ARID1B: variants seen among roughly 807,000 people sequenced by gnomAD.
The protein encoded by ARID1B is AT-rich interactive domain-containing protein 1B.
Under a neutral mutation model 212.3 loss-of-function variants are expected in ARID1B, and 30 were observed. The ratio of observed to expected loss-of-function variants is 0.14; its 90% CI spans 0.11 to 0.19. ARID1B has a LOEUF of 0.19. ARID1B is among the 10% of genes least tolerant of loss of function. ARID1B has a pLI of 1.00. For synonymous variants in ARID1B, 1,402 were observed against 1,301.7 expected (o/e 1.08, Z -1.66); for missense variants, 2,891 against 3,204.0 (o/e 0.90, Z 2.36).
intron 7 of ARID1B, among the ~76,000 whole-genome samples, chr6:157,146,845 C>G (rs1220266480): frequency 6.6e-6 from 1 of 152,190 alleles, no homozygotes; most frequent in Non-Finnish European, 1.5e-5. Flanking sequence ...TCCACACACA[C>G]TTGTCTTTCG....
chr6:156,919,298 T>C (rs1790598539), intron 3 of ARID1B, among the ~76,000 whole-genome samples: 1 of 152,170 alleles, frequency 6.6e-6, no homozygotes, highest in African/African-American at 2.4e-5. Context: ...TTAATATGTT[T>C]TGAAGTATAA....
intron 2 of ARID1B, among the ~76,000 whole-genome samples, chr6:156,841,901 G>T (rs186815009): frequency 9.2e-5 from 14 of 152,236 alleles, no homozygotes; most frequent in Non-Finnish European, 1.5e-4. Context: ...AACTCTGGGC[G>T]CACGCTAGCA....
intron 6 of ARID1B, among the ~76,000 whole-genome samples, chr6:157,121,730 C>G (rs919457441): frequency 4.2e-5 from 6 of 144,052 alleles, no homozygotes; most frequent in Non-Finnish European, 7.5e-5. Context: ...CTCCTGGGTT[C>G]AAGCAGTTCT....
Position 157,114,390 on chromosome 6 carries a change from G to A in ARID1B, c.2581+3829G>A, listed in dbSNP as rs1289346877. On this transcript the variant is annotated intron_variant, in intron 6 of 19. Coordinates refer to ENST00000636930, the MANE Select transcript of ARID1B (RefSeq NM_001374828.1). ...ACACAAAACATTAACCAGGCATGGT[G>A]GTGTGTGCCTGTAGTCCCAGCTACT... Among the ~76,000 whole-genome samples the A allele has an allele frequency of 2.0e-5, 3 of 151,872 alleles. No individual in the cohort carries two copies. In the South Asian group the frequency reaches 6.2e-4, roughly 32 times the overall value.
At chr6:157,084,007 G>A (rs922520612) in intron 4 of ARID1B, among the ~76,000 whole-genome samples, 3 of 151,862 alleles carry the variant, frequency 2.0e-5, no homozygotes, top group African/African-American at 4.8e-5. Flanking sequence ...GGTGGCAGGT[G>A]CCTGTAATCC....
chr6:156,969,499 C>T (rs575421527), intron 4 of ARID1B, among the ~76,000 whole-genome samples: 3 of 152,326 alleles, frequency 2.0e-5, no homozygotes, highest in Admixed American at 6.5e-5. Flanking sequence ...GTTTAAGCTA[C>T]TGAACACATG....
At chr6:157,014,978 ACT>A (rs1332436108) in intron 4 of ARID1B, among the ~76,000 whole-genome samples, 4 of 152,206 alleles carry the variant, frequency 2.6e-5, no homozygotes, top group African/African-American at 9.7e-5. Flanking sequence ...GATTATTATA[ACT>A]CAGTATTTTG....
intron 4 of ARID1B, among the ~76,000 whole-genome samples, chr6:157,081,303 TG>T: frequency 6.6e-6 from 1 of 152,232 alleles, no homozygotes; most frequent in Non-Finnish European, 1.5e-5. Context: ...GTTGGTGCCC[TG>T]CTGACTAAAT....
intron 9 of ARID1B, among the ~76,000 whole-genome samples, chr6:157,171,382 A>ACGTC: frequency 6.6e-6 from 1 of 152,334 alleles, no homozygotes; most frequent in Non-Finnish European, 1.5e-5. Context: ...TTGATTTAAC[A>ACGTC]CGTCCTTGTA....
chr6:157,032,956 A>C (rs1025386467), intron 4 of ARID1B, among the ~76,000 whole-genome samples: 1 of 152,210 alleles, frequency 6.6e-6, no homozygotes, highest in Non-Finnish European at 1.5e-5. Flanking sequence ...ACAGAAGCAT[A>C]GTCTTCTATG....
intron 2 of ARID1B, among the ~76,000 whole-genome samples, chr6:156,896,864 C>A (rs1413881413): frequency 6.6e-6 from 1 of 152,078 alleles, no homozygotes; most frequent in Non-Finnish European, 1.5e-5. Context: ...GACGACAGAG[C>A]GAGACTCCAC....
intron 15 of ARID1B, among the ~76,000 whole-genome samples, chr6:157,191,154 G>A (rs1332289407): frequency 2.6e-5 from 4 of 152,126 alleles, no homozygotes; most frequent in Non-Finnish European, 4.4e-5. Flanking sequence ...AGAATGTACT[G>A]GAAAGAGGTA....
In ARID1B at chr6:157,174,138, C is replaced by T. The variant is rs200823268; in HGVS notation, c.3345+21C>T. 1.6e-4 allele frequency: 249 copies of T among 1,605,804 alleles called. 5 individuals carry two copies. Among genetic ancestry groups the T allele is most frequent in the South Asian group, 1.5e-3 (132 of 90,860 alleles). The stretch of plus-strand genomic sequence containing the variant: ...CAAAGGTACTTCCTTCGCCTCTGCA[C>T]GCGGTGTGAGGTCTGCCTAGCAAAA... On this transcript the variant is annotated intron_variant, in intron 10 of 19. Coordinates refer to ENST00000636930, the MANE Select transcript of ARID1B (RefSeq NM_001374828.1).
chr6:156,963,685 C>G (rs1285792362), intron 4 of ARID1B, among the ~76,000 whole-genome samples: 1 of 152,112 alleles, frequency 6.6e-6, no homozygotes, highest in Non-Finnish European at 1.5e-5. Flanking sequence ...AAAATCAAAA[C>G]CATGGAAGAG....
At chr6:157,037,312 C>T in intron 4 of ARID1B, among the ~76,000 whole-genome samples, 1 of 152,180 alleles carries the variant, frequency 6.6e-6, no homozygotes, top group Non-Finnish European at 1.5e-5. Context: ...ATTGAAAACC[C>T]AGCTCCTTCC....
chr6:157,076,325 T>C (rs1486489181), intron 4 of ARID1B, among the ~76,000 whole-genome samples: 2 of 151,746 alleles, frequency 1.3e-5, no homozygotes, highest in Admixed American at 6.6e-5. Context: ...TGTTTTTTTT[T>C]CCTCCAGGAG....
At chr6:157,202,736 TATAG>T (rs1288053145) in intron 18 of ARID1B, among the ~76,000 whole-genome samples, 1 of 149,952 alleles carries the variant, frequency 6.7e-6, no homozygotes, top group Non-Finnish European at 1.5e-5. Context: ...TATATATATA[TATAG>T]ATAGATATAA....
chr6:156,880,766 A>G (rs1787008529), intron 2 of ARID1B, among the ~76,000 whole-genome samples: 1 of 88,686 alleles, frequency 1.1e-5, no homozygotes, highest in African/African-American at 4.8e-5. Flanking sequence ...AAAAAAAAAG[A>G]AAAGAAAAGA....
intron 1 of ARID1B, among the ~76,000 whole-genome samples, chr6:156,787,099 A>G (rs559376462): frequency 1.4e-4 from 21 of 152,314 alleles, no homozygotes; most frequent in Admixed American, 5.2e-4. Context: ...AGAGCGAAAT[A>G]TAGATTCACT....
Sources: gnomAD v4.1 joint callset for allele counts (sites outside exome capture counted in the v4.1 genomes callset) on GRCh38, gnomAD v4.1.1 for gene constraint, MANE v1.5 for transcripts, NCBI Gene and HGNC (gene_info 2026-07-23, HGNC 2026-07-21) for gene names.